The following PCDHA2 variants were observed in gnomAD, a reference collection of about 807,000 sequenced individuals.
PCDHA2 encodes the protein protocadherin alpha-2.
A neutral mutation model predicts 66.0 loss-of-function variants in PCDHA2; 58 were observed. The ratio of observed to expected loss-of-function variants is 0.88; its 90% CI spans 0.71 to 1.09. PCDHA2 has a LOEUF of 1.09. PCDHA2 is among the 50% of genes least tolerant of loss of function. The pLI, the probability that PCDHA2 is intolerant of heterozygous loss-of-function variation, is 0.00. For synonymous variants in PCDHA2, 634 were observed against 554.0 expected, an observed-to-expected ratio of 1.14 and a Z score of -2.03; for missense variants, 1,267 against 1,242.3, an observed-to-expected ratio of 1.02 and a Z score of -0.30.
At position 140,807,271 on chromosome 5, in the gene PCDHA2, C is replaced by A; in HGVS notation, c.2388+9919C>A. Reference sequence around the variant, plus strand: ...TCCTCGCAGCCTGGGAGGCAGGGAACGGTCAGCTCCACTACTCGGTCTCCG... The same window carrying A: ...TCCTCGCAGCCTGGGAGGCAGGGAAAGGTCAGCTCCACTACTCGGTCTCCG... On this transcript the variant is annotated intron_variant, in intron 1 of 3. Transcript: ENST00000526136. The A allele has an allele frequency of 1.9e-6, 3 of 1,614,246 alleles. No homozygotes were observed. In the South Asian group the frequency reaches 3.3e-5, roughly 18 times the overall value.
At chr5:140,870,962 C>T (rs1489353896) in intron 1 of PCDHA2, 3 of 1,613,532 alleles carry the variant, frequency 1.9e-6, no homozygotes, top group Admixed American at 1.7e-5. Context: ...TCGCGCATCC[C>T]GTTCCGCGTG....
intron 1 of PCDHA2, chr5:140,808,636 C>T: frequency 6.2e-7 from 1 of 1,613,522 alleles, no homozygotes; most frequent in Non-Finnish European, 8.5e-7. Flanking sequence ...GGGACGCGGA[C>T]GCGCAGGAGA....
Position 140,824,357 on chromosome 5 carries a change from A to G in PCDHA2, c.2388+27005A>G, listed in dbSNP as rs1348409410. On this transcript the variant is annotated intron_variant, in intron 1 of 3. Coordinates refer to ENST00000526136, the MANE Select transcript of PCDHA2 (RefSeq NM_018905.3). ...AAGTGTTTTTAAAATAATATTTTAT[A>G]TTAGCATTTGAATTTTGCATCTCTA... 8 of 580,340 alleles carry G rather than the reference A, an allele frequency of 1.4e-5. No homozygotes were observed. The East Asian group carries it at 2.1e-4, about 15-fold the overall frequency. The allele number at this position is 580,340 out of a possible 1,614,324, so 35.9% of individuals were successfully genotyped here.
chr5:140,873,453 A>G (rs1454430298), intron 1 of PCDHA2, among the ~76,000 whole-genome samples: 2 of 152,180 alleles, frequency 1.3e-5, no homozygotes, highest in Non-Finnish European at 2.9e-5. Context: ...ACAAATTTGC[A>G]TTTTAGATAA....
chr5:140,836,192 CA>C, intron 1 of PCDHA2: 1 of 1,613,846 alleles, frequency 6.2e-7, no homozygotes, highest in Non-Finnish European at 8.5e-7. Flanking sequence ...ACTCAGGCTA[CA>C]ACGCGTGGCT....
In PCDHA2 at chr5:140,856,147, A is replaced by C. The variant is rs142037616; in HGVS notation, c.2388+58795A>C. Reference sequence around the variant, plus strand: ...TGGGGAGCGGCCAGCTCCACTACTCAGTCTACGAGGAGGCCAGACACGGCA... The same window carrying C: ...TGGGGAGCGGCCAGCTCCACTACTCCGTCTACGAGGAGGCCAGACACGGCA... On this transcript the variant is annotated intron_variant, in intron 1 of 3. Coordinates refer to ENST00000526136, the MANE Select transcript of PCDHA2 (RefSeq NM_018905.3). 34 of 1,598,116 alleles carry C rather than the reference A, an allele frequency of 2.1e-5. 2 individuals are homozygous for C. Among genetic ancestry groups the C allele is most frequent in the Middle Eastern group, 1.7e-4 (1 of 6,012 alleles).
intron 1 of PCDHA2, among the ~76,000 whole-genome samples, chr5:140,937,928 G>T (rs997116789): frequency 4.0e-5 from 6 of 148,604 alleles, no homozygotes; most frequent in Non-Finnish European, 8.9e-5. Context: ...AAAAAAAAAA[G>T]TTTAATTTGA....
chr5:140,845,017 A>T lies in PCDHA2; in HGVS notation c.2388+47665A>T, dbSNP rs1779662524. On this transcript the variant is annotated intron_variant, in intron 1 of 3. Transcript: ENST00000526136. ...TCACTTATGAACAAATAATGTAATC[A>T]TTTATGGGCATATTTTAGCCCCCTT... Among the ~76,000 whole-genome samples, 2 of 149,310 alleles carry T rather than the reference A, an allele frequency of 1.3e-5. 1 individual carries two copies. The highest frequency in any genetic ancestry group is 3.0e-5 in the Non-Finnish European group (2 of 66,738).
At chr5:140,857,330 G>A in intron 1 of PCDHA2, 1 of 1,598,660 alleles carries the variant, frequency 6.3e-7, no homozygotes, top group South Asian at 1.1e-5. Context: ...GACCGCGCGG[G>A]ACGGGGGCTC....
chr5:140,993,270 G>A (rs190721014), intron 3 of PCDHA2, among the ~76,000 whole-genome samples: 360 of 151,912 alleles, frequency 2.4e-3, no homozygotes, highest in African/African-American at 8.3e-3. Context: ...AGCTTCTTTG[G>A]TCTTTTCTTG....
chr5:140,862,341 T>G, intron 1 of PCDHA2: 1 of 331,140 alleles, frequency 3.0e-6, no homozygotes, highest in Non-Finnish European at 6.0e-6. Flanking sequence ...GACCCTAACT[T>G]CAGTGCCAAG....
At chr5:140,809,781 T>A in intron 1 of PCDHA2, 1 of 503,024 alleles carries the variant, frequency 2.0e-6, no homozygotes, top group South Asian at 3.5e-5. Context: ...TCAATGCATA[T>A]TAACAGAACT....
chr5:140,927,825 GGCGAGGGA>G (rs782044178), intron 1 of PCDHA2: 1 of 1,614,098 alleles, frequency 6.2e-7, no homozygotes, highest in Non-Finnish European at 8.5e-7. Context: ...CATACATTGA[GGCGAGGGA>G]CGAAGGTGTC....
intron 1 of PCDHA2, among the ~76,000 whole-genome samples, chr5:140,900,906 G>C (rs2068354860): frequency 6.6e-6 from 1 of 152,096 alleles, no homozygotes; most frequent in African/African-American, 2.4e-5. Context: ...CATTTTAACT[G>C]TGGTAAGATG....
intron 1 of PCDHA2, chr5:140,967,890 C>G: frequency 6.2e-7 from 1 of 1,614,176 alleles, no homozygotes; most frequent in Non-Finnish European, 8.5e-7. Context: ...AGCCCAGTGC[C>G]TGAGAATGCT....
At chr5:140,997,604 G>A (rs1271144424) in intron 3 of PCDHA2, among the ~76,000 whole-genome samples, 2 of 152,136 alleles carry the variant, frequency 1.3e-5, no homozygotes, top group East Asian at 1.9e-4. Flanking sequence ...ATTATGGGGC[G>A]CATGACTATA....
intron 1 of PCDHA2, among the ~76,000 whole-genome samples, chr5:140,872,848 A>T: frequency 1.3e-5 from 2 of 152,332 alleles, no homozygotes; most frequent in African/African-American, 4.8e-5. Context: ...AAATATATTA[A>T]TGTGAGTACC....
intron 1 of PCDHA2, chr5:140,847,603 G>A (rs2150402221): frequency 1.3e-5 from 2 of 149,376 alleles, no homozygotes; most frequent in Non-Finnish European, 3.0e-5. Context: ...AAAACATATT[G>A]TAATAACATT....
chr5:140,868,759 T>G, intron 1 of PCDHA2: 1 of 230,962 alleles, frequency 4.3e-6, no homozygotes, highest in Non-Finnish European at 8.5e-6. Context: ...TCCATATATA[T>G]TTAGTTTCAA....
Sources: gnomAD v4.1 joint callset for allele counts (sites outside exome capture counted in the v4.1 genomes callset) on GRCh38, gnomAD v4.1.1 for gene constraint, MANE v1.5 for transcripts, NCBI Gene and HGNC (gene_info 2026-07-23, HGNC 2026-07-21) for gene names.